ALOXE3: variants seen among roughly 807,000 people sequenced by gnomAD.
ALOXE3 encodes hydroperoxide isomerase ALOXE3.
A neutral mutation model predicts 87.5 loss-of-function variants in ALOXE3; 78 were observed. That is an observed-to-expected ratio of 0.89 (90% confidence interval 0.74 to 1.08). The LOEUF (loss-of-function observed/expected upper bound fraction) is 1.08. Ranked by LOEUF, ALOXE3 falls within the 50% of genes least tolerant of loss-of-function variation. The probability of loss-of-function intolerance (pLI) is 0.00; values close to 1 mark genes in which losing one functional copy is unlikely to be tolerated. For missense variants in ALOXE3, 946 were observed against 912.4 expected (o/e 1.04, Z -0.47); for synonymous variants, 363 against 370.8 (o/e 0.98, Z 0.24).
At chr17:8,102,620 C>T (rs1249874873) in intron 15 of ALOXE3, among the ~76,000 whole-genome samples, 3 of 152,296 alleles carry the variant, frequency 2.0e-5, no homozygotes, top group African/African-American at 4.8e-5. Flanking sequence ...AGTGATTTCT[C>T]GCCTTCGCTC....
Position 8,116,966 on chromosome 17 carries a change from C to G in ALOXE3, c.162G>C (p.Lys54Asn). The G allele has an allele frequency of 6.2e-7, 1 of 1,613,926 alleles. No homozygotes were observed. The highest frequency in any genetic ancestry group is 1.1e-5 in the South Asian group (1 of 91,026). The change falls in exon 3 of 16, where the codon AAG becomes AAC. Residue 54 changes from lysine to asparagine, a missense_variant. Transcript: ENST00000448843. ...DFAPGSVQKYKVRCTAELGEL... is the reference protein window; with the variant it reads ...DFAPGSVQKYNVRCTAELGEL... ...CACCCAGCTCCGCTGTGCAACGCAC[C>G]TTGTACTTCTGTACCTGAGGGGACC...
intron 8 of ALOXE3, 129 bp downstream of exon 8, chr17:8,111,230 C>A: frequency 8.5e-7 from 1 of 1,178,896 alleles, no homozygotes; most frequent in Non-Finnish European, 1.2e-6. Context: ...CCATGGCTGC[C>A]CAGAGGATGA....
intron 15 of ALOXE3, among the ~76,000 whole-genome samples, chr17:8,101,352 GT>G (rs1487837906): frequency 1.3e-5 from 2 of 152,160 alleles, no homozygotes; most frequent in African/African-American, 4.8e-5. Flanking sequence ...ATAGAGCTAT[GT>G]ATTTGGTTCA....
chr17:8,117,057 T>C, intron 2 of ALOXE3, 77 bp from the exon 3 acceptor site: 1 of 1,270,460 alleles, frequency 7.9e-7, no homozygotes, highest in Non-Finnish European at 1.1e-6. Flanking sequence ...AAGATGCATC[T>C]ACACCTAAGC....
In ALOXE3 at chr17:8,104,118, C is replaced by G. The variant is rs760876068; in HGVS notation, c.1782G>C (p.Gly594=). 16 of 1,613,266 alleles carry G rather than the reference C, an allele frequency of 9.9e-6. No homozygotes were observed. In the South Asian group the frequency reaches 1.6e-4, roughly 17 times the overall value. The part of the protein sequence containing the change: ...CSAQHAAVNS[G]QHDFGAWMPN... ...GGCCTGCCCTTTGTAGCCTCACCTG[C>G]CCACTGTTGACAGCAGCGTGCTGGG... is the stretch of plus-strand genomic sequence containing the variant. The change falls in exon 14 of 16, where the codon GGG becomes GGC. Residue 594 remains glycine, a synonymous_variant. Coordinates refer to ENST00000448843, the MANE Select transcript of ALOXE3 (RefSeq NM_021628.3).
In ALOXE3 at chr17:8,103,476, C is replaced by A. The variant is rs1355570378; in HGVS notation, c.1803G>T (p.Trp601Cys). The change falls in exon 15 of 16, where the codon TGG becomes TGT. Residue 601 changes from tryptophan (W) to cysteine (C), a missense_variant. Coordinates refer to ENST00000448843, the MANE Select transcript of ALOXE3 (RefSeq NM_021628.3). ...TCATGGATGATGGAGCATTGGGCAT[C>A]CAGGCCCCAAAGTCATGCTGTGGAG... ...VNSGQHDFGA[W>C]MPNAPSSMRQ... 1 of 1,614,094 alleles carries A rather than the reference C, an allele frequency of 6.2e-7. No homozygotes were observed. The highest frequency in any genetic ancestry group is 8.5e-7 in the Non-Finnish European group (1 of 1,180,010).
At position 8,118,247 on chromosome 17, in the gene ALOXE3, A is replaced by G; in HGVS notation, c.-257T>C. On this transcript the variant is annotated 5_prime_UTR_variant, in exon 2 of 16. Coordinates refer to ENST00000448843, the MANE Select transcript of ALOXE3 (RefSeq NM_021628.3). Reference sequence around the variant, plus strand: ...TCTAATACTTGTTTGCTTGCCTCTGACACAGCCGGTCCCTCTGGCTGGCTC... The same window carrying G: ...TCTAATACTTGTTTGCTTGCCTCTGGCACAGCCGGTCCCTCTGGCTGGCTC... 1 of 1,551,572 alleles carries G rather than the reference A, an allele frequency of 6.4e-7. No individual in the cohort carries two copies. Among genetic ancestry groups the G allele is most frequent in the East Asian group, 2.4e-5 (1 of 40,902 alleles).
chr17:8,118,399 A>G lies in ALOXE3; in HGVS notation c.-314+87T>C, dbSNP rs1005807414. On this transcript the variant is annotated intron_variant, in intron 1 of 15. Coordinates refer to ENST00000448843, the MANE Select transcript of ALOXE3 (RefSeq NM_021628.3). ...TCCGCCTGGTCAGCGGCCCGGACTG[A>G]TGCCCTGGAGTGCTTGTCCGCCCAC... 3.2e-6 allele frequency: 5 copies of G among 1,551,138 alleles called. No individual in the cohort carries two copies. In the Admixed American group the frequency reaches 9.8e-5, roughly 30 times the overall value.
intron 14 of ALOXE3, 152 bp from the exon 15 acceptor site, chr17:8,103,645 G>A: frequency 1.1e-6 from 1 of 900,752 alleles, no homozygotes. Flanking sequence ...GAAATGAGGG[G>A]ATCATGGAAA....
chr17:8,118,575 G>A (rs987838619), upstream of ALOXE3: 2 of 1,527,638 alleles, frequency 1.3e-6, no homozygotes, highest in South Asian at 1.2e-5. Flanking sequence ...GCAGCCACAC[G>A]CAGGTGAGTC....
intron 6 of ALOXE3, among the ~76,000 whole-genome samples, chr17:8,112,695 A>C (rs3027213): frequency 0.43 from 65,044 of 151,988 alleles, 14,159 homozygotes; most frequent in Non-Finnish European, 0.47. Flanking sequence ...GTACACTGGA[A>C]GGTAGAAGAG....
At chr17:8,098,375 G>A (rs1251409431) in intron 15 of ALOXE3, among the ~76,000 whole-genome samples, 1 of 151,636 alleles carries the variant, frequency 6.6e-6, no homozygotes, top group East Asian at 1.9e-4. Flanking sequence ...GAGTAGCTGG[G>A]ATTACAGGTA....
intron 14 of ALOXE3, 57 bp from the exon 15 acceptor site, chr17:8,103,550 C>T (rs944427769): frequency 1.3e-6 from 2 of 1,573,152 alleles, no homozygotes; most frequent in African/African-American, 1.3e-5. Context: ...TATCACCTCC[C>T]TCTTCACCAT....
chr17:8,109,322 C>T lies in ALOXE3; in HGVS notation c.1414G>A (p.Gly472Ser). Residue 472 changes from glycine to serine, a missense_variant, in exon 12 of 16, where the codon GGC (glycine) becomes AGC (serine). By Grantham distance (56) the Gly-to-Ser change is moderately conservative. Coordinates refer to ENST00000448843, the MANE Select transcript of ALOXE3 (RefSeq NM_021628.3). ...CCCGTGCTCATGAGGTAGATGAGGC[C>T]TTGCCTCCCGATGGACGTGACCTGA... ...VDQVTSIGRQ[G>S]LIYLMSTGLA... is the part of the protein sequence containing the mutation. 1 of 1,613,990 alleles carries T rather than the reference C, an allele frequency of 6.2e-7. No homozygotes were observed. Among genetic ancestry groups the T allele is most frequent in the African/African-American group, 1.3e-5 (1 of 75,066 alleles).
In ALOXE3 at chr17:8,110,294, A is replaced by G. The variant is rs1202219512; in HGVS notation, c.1103T>C (p.Leu368Pro). ...GCTGTCAGGCCCGGGGGTCTGGCTG[A>G]GCTGCGTCCGAAAGGAACGAGGGAT... The part of the protein sequence containing the change: ...QGALVPLAIQ[L>P]SQTPGPDSPI... The change falls in exon 10 of 16, where the codon CTC becomes CCC. Residue 368 changes from leucine to proline, a missense_variant and splice_region_variant. Coordinates refer to ENST00000448843, the MANE Select transcript of ALOXE3 (RefSeq NM_021628.3). 6.2e-7 allele frequency: 1 copy of G among 1,613,796 alleles called. No individual in the cohort carries two copies. The highest frequency in any genetic ancestry group is 1.1e-5 in the South Asian group (1 of 91,076).
At chr17:8,097,786 C>T (rs1366342121) in intron 15 of ALOXE3, among the ~76,000 whole-genome samples, 6 of 147,104 alleles carry the variant, frequency 4.1e-5, no homozygotes, top group East Asian at 2.0e-4. Flanking sequence ...CTCGCACTGT[C>T]GCCCAGGTTG....
intron 15 of ALOXE3, among the ~76,000 whole-genome samples, 166 bp from the exon 16 acceptor site, chr17:8,096,972 G>A (rs1029965626): frequency 2.0e-5 from 3 of 152,070 alleles, no homozygotes; most frequent in African/African-American, 4.8e-5. Context: ...ATCCTGACAC[G>A]AGGCCCCCCA....
At position 8,107,980 on chromosome 17, in the gene ALOXE3, G is replaced by A. The variant is rs1393391757; in HGVS notation, c.1684+488C>T. 2.5e-3 allele frequency among the ~76,000 whole-genome samples: 38 copies of A among 14,970 alleles called. 14 individuals carry two copies. Among genetic ancestry groups the A allele is most frequent in the African/African-American group, 6.9e-3 (27 of 3,922 alleles). 9.8% of individuals were successfully genotyped at this position (14,970 alleles called of 152,430 possible). A position where few individuals can be genotyped will look rare whatever the true frequency, so the allele number is the denominator to read the frequency against. ...AAGAAAGGAAGGAGAGAGAGAGAGA[G>A]AGAAAGAAAGAAAGGAAGGAAAGAA... On this transcript the variant is annotated intron_variant, in intron 13 of 15. Transcript: ENST00000448843.
At chr17:8,105,634 G>A (rs1445855381) in intron 13 of ALOXE3, among the ~76,000 whole-genome samples, 6 of 152,156 alleles carry the variant, frequency 3.9e-5, no homozygotes, top group African/African-American at 1.4e-4. Context: ...ATGAAGGAAT[G>A]CATGAGAGGG....
Sources: allele counts gnomAD v4.1 joint callset (sites outside exome capture counted in the v4.1 genomes callset), GRCh38; gene constraint gnomAD v4.1.1; transcripts MANE v1.5; gene names NCBI Gene and HGNC (gene_info 2026-07-23, HGNC 2026-07-21).